Variants in MACROD2 observed in about 807,000 individuals in gnomAD.
MACROD2 encodes the protein ADP-ribose glycohydrolase MACROD2.
A neutral mutation model predicts 70.4 loss-of-function variants in MACROD2; 36 were observed. The observed-to-expected ratio is 0.51, with a 90% confidence interval of 0.39 to 0.68. The LOEUF (loss-of-function observed/expected upper bound fraction) is 0.68. Among genes scored for constraint, MACROD2 ranks in the 30% least tolerant of loss-of-function variants. MACROD2 has a pLI of 0.00. For missense variants in MACROD2, 496 were observed against 538.4 expected (o/e 0.92, Z 0.78); for synonymous variants, 172 against 178.8 (o/e 0.96, Z 0.30).
chr20:15,276,790 TG>T (rs1356816950), intron 6 of MACROD2, among the ~76,000 whole-genome samples: 1 of 152,316 alleles, frequency 6.6e-6, no homozygotes, highest in Non-Finnish European at 1.5e-5. Context: ...GAAGAGGTGA[TG>T]GAAGACAAAA....
At chr20:14,236,158 A>G (rs2081868605) in intron 3 of MACROD2, among the ~76,000 whole-genome samples, 1 of 152,154 alleles carries the variant, frequency 6.6e-6, no homozygotes, top group African/African-American at 2.4e-5. Flanking sequence ...TTGAAATCAA[A>G]TCCAGACTGC....
intron 5 of MACROD2, among the ~76,000 whole-genome samples, chr20:14,726,584 T>C (rs1436660151): frequency 2.0e-5 from 3 of 152,244 alleles, no homozygotes; most frequent in Non-Finnish European, 4.4e-5. Context: ...CTAGTGCTTA[T>C]AATATGCCAG....
intron 8 of MACROD2, among the ~76,000 whole-genome samples, chr20:15,536,019 A>G (rs2047869899): frequency 6.6e-6 from 1 of 152,146 alleles, no homozygotes. Flanking sequence ...AGGTCATGGC[A>G]TTTTATTTAT....
chr20:14,478,318 C>T (rs2084621475), intron 3 of MACROD2, among the ~76,000 whole-genome samples: 1 of 152,100 alleles, frequency 6.6e-6, no homozygotes, highest in Non-Finnish European at 1.5e-5. Context: ...TATGAGCCAC[C>T]CAGGGAAGGG....
chr20:14,120,011 C>G (rs984141049), intron 3 of MACROD2, among the ~76,000 whole-genome samples: 1 of 151,820 alleles, frequency 6.6e-6, no homozygotes, highest in African/African-American at 2.4e-5. Context: ...GAGTTTAAGA[C>G]CAGCCTGGGC....
At chr20:15,932,315 G>C (rs2065592817) in intron 10 of MACROD2, among the ~76,000 whole-genome samples, 1 of 152,136 alleles carries the variant, frequency 6.6e-6, no homozygotes, top group South Asian at 2.1e-4. Flanking sequence ...AGGTCTTGCA[G>C]GGTAGCTTGT....
intron 5 of MACROD2, among the ~76,000 whole-genome samples, chr20:14,897,926 C>T (rs1046410869): frequency 9.2e-5 from 14 of 151,998 alleles, no homozygotes; most frequent in Non-Finnish European, 2.1e-4. Context: ...GGCACTAATC[C>T]CTTTCATGAG....
intron 4 of MACROD2, among the ~76,000 whole-genome samples, chr20:14,524,874 A>T (rs910585102): frequency 2.6e-5 from 4 of 152,020 alleles, no homozygotes; most frequent in Non-Finnish European, 5.9e-5. Context: ...CTTGCCTCAT[A>T]CTGTCTCTGT....
chr20:15,819,580 T>C (rs1372023010), intron 8 of MACROD2, among the ~76,000 whole-genome samples: 1 of 150,756 alleles, frequency 6.6e-6, no homozygotes, highest in Non-Finnish European at 1.5e-5. Context: ...TGGAATATTA[T>C]TTAGCCTTAA....
chr20:14,127,362 C>G (rs2148696555), intron 3 of MACROD2: 1 of 354,440 alleles, frequency 2.8e-6, no homozygotes, highest in Non-Finnish European at 5.3e-6. Context: ...TCCCTACTTG[C>G]TTCTTGCTGA....
At chr20:14,541,468 T>A (rs965784625) in intron 4 of MACROD2, among the ~76,000 whole-genome samples, 3 of 152,254 alleles carry the variant, frequency 2.0e-5, no homozygotes, top group Middle Eastern at 6.8e-3. Context: ...TACTTATAAT[T>A]ACAAGGCATA....
intron 10 of MACROD2, among the ~76,000 whole-genome samples, chr20:15,924,501 C>CT (rs979721259): frequency 1.3e-5 from 2 of 152,152 alleles, no homozygotes; most frequent in Admixed American, 6.5e-5. Context: ...GAGGAAACAA[C>CT]TTTTTTTTAT....
rs11468103 is a variant in MACROD2 at position 15,073,466 on chromosome 20, A to AACACACACAC, written c.419-156439_419-156430dup. 2.9e-4 allele frequency among the ~76,000 whole-genome samples: 42 copies of AACACACACAC among 144,050 alleles called. 1 individual carries two copies. Among genetic ancestry groups the AACACACACAC allele is most frequent in the Non-Finnish European group, 4.4e-4 (29 of 65,316 alleles). The allele number at this position is 144,050 out of a possible 152,430, so 94.5% of individuals were successfully genotyped here. A position where few individuals can be genotyped will look rare whatever the true frequency, so the allele number is the denominator to read the frequency against. The stretch of plus-strand genomic sequence containing the variant: ...ATTATTTCAGAAGTGTAATTCTCCC[A>AACACACACAC]ACACACACACACACACACACACACA... On this transcript the variant is annotated intron_variant, in intron 5 of 17. Transcript: ENST00000684519.
chr20:14,330,718 GA>G (rs1298483909), intron 3 of MACROD2, among the ~76,000 whole-genome samples: 1 of 152,110 alleles, frequency 6.6e-6, no homozygotes, highest in Admixed American at 6.6e-5. Context: ...AGTGCCCACA[GA>G]GGAAAGTTTA....
chr20:15,001,863 C>T (rs2074997901), intron 5 of MACROD2, among the ~76,000 whole-genome samples: 1 of 152,092 alleles, frequency 6.6e-6, no homozygotes, highest in Non-Finnish European at 1.5e-5. Flanking sequence ...CTCACTCCCT[C>T]TCATCCTTTC....
chr20:15,016,626 TG>T (rs907478512), intron 5 of MACROD2, among the ~76,000 whole-genome samples: 3 of 152,084 alleles, frequency 2.0e-5, no homozygotes, highest in African/African-American at 7.2e-5. Context: ...CTTCCTCTCT[TG>T]CCATGTGTAT....
At chr20:14,789,780 C>T (rs1024518000) in intron 5 of MACROD2, among the ~76,000 whole-genome samples, 3 of 151,676 alleles carry the variant, frequency 2.0e-5, no homozygotes, top group African/African-American at 4.9e-5. Context: ...CCGGCCAGGT[C>T]CTGCAAATTC....
At chr20:14,915,992 G>A (rs374691545) in intron 5 of MACROD2, among the ~76,000 whole-genome samples, 3 of 152,126 alleles carry the variant, frequency 2.0e-5, no homozygotes, top group South Asian at 4.2e-4. Context: ...TCTCAATTTC[G>A]GACTTATTTT....
intron 5 of MACROD2, among the ~76,000 whole-genome samples, chr20:14,738,378 G>A (rs2071693156): frequency 6.6e-6 from 1 of 151,866 alleles, no homozygotes; most frequent in Non-Finnish European, 1.5e-5. Flanking sequence ...ACTTCAAGAG[G>A]GTCTAATCAG....
Sources: gnomAD v4.1 joint callset for allele counts (sites outside exome capture counted in the v4.1 genomes callset) on GRCh38, gnomAD v4.1.1 for gene constraint, MANE v1.5 for transcripts, NCBI Gene and HGNC (gene_info 2026-07-23, HGNC 2026-07-21) for gene names.